The following SCAPER variants were observed in gnomAD, a reference collection of about 807,000 sequenced individuals.
SCAPER encodes the protein S phase cyclin A-associated protein in the endoplasmic reticulum.
A neutral mutation model predicts 182.2 loss-of-function variants in SCAPER; 98 were observed. The ratio of observed to expected loss-of-function variants is 0.54; its 90% CI spans 0.46 to 0.64. SCAPER has a LOEUF of 0.64. Among genes scored for constraint, SCAPER ranks in the 30% least tolerant of loss-of-function variants. The pLI, the probability that SCAPER is intolerant of heterozygous loss-of-function variation, is 0.00. For missense variants in SCAPER, 1,432 were observed against 1,690.0 expected (o/e 0.85, Z 2.68); for synonymous variants, 605 against 564.6 (o/e 1.07, Z -1.01).
chr15:76,514,768 A>G (rs2042291817), intron 23 of SCAPER, among the ~76,000 whole-genome samples: 1 of 152,244 alleles, frequency 6.6e-6, no homozygotes, highest in Non-Finnish European at 1.5e-5. Context: ...TCCTGAAGTG[A>G]AAATTTTTAT....
chr15:76,855,911 C>T (rs761206973), intron 4 of SCAPER: 5 of 414,748 alleles, frequency 1.2e-5, no homozygotes, highest in South Asian at 7.1e-5. Context: ...CCAGCAATCC[C>T]ATTACTGGGT....
intron 20 of SCAPER, among the ~76,000 whole-genome samples, chr15:76,701,018 A>G (rs959252832): frequency 1.3e-5 from 2 of 151,916 alleles, no homozygotes; most frequent in African/African-American, 2.4e-5. Flanking sequence ...GGGTGGTTTT[A>G]TATCAGTTTA....
chr15:76,710,315 A>G (rs1397451298), intron 17 of SCAPER, among the ~76,000 whole-genome samples: 1 of 152,152 alleles, frequency 6.6e-6, no homozygotes, highest in African/African-American at 2.4e-5. Context: ...CCAAACTAAT[A>G]CAGACAGTCC....
chr15:76,652,592 T>C (rs2089344003), intron 21 of SCAPER, among the ~76,000 whole-genome samples: 1 of 147,736 alleles, frequency 6.8e-6, no homozygotes, highest in African/African-American at 2.5e-5. Context: ...GTGCCTGTTA[T>C]CCCAGCTACT....
intron 17 of SCAPER, among the ~76,000 whole-genome samples, chr15:76,723,377 G>A (rs1416852209): frequency 1.3e-5 from 2 of 152,112 alleles, no homozygotes; most frequent in African/African-American, 2.4e-5. Context: ...AATAGGTGTG[G>A]TGTGGTGTGC....
intron 2 of SCAPER, among the ~76,000 whole-genome samples, chr15:76,875,246 C>T (rs1379885523): frequency 1.3e-5 from 2 of 152,160 alleles, no homozygotes; most frequent in Non-Finnish European, 2.9e-5. Context: ...CTGAAAAACT[C>T]TGATATCAGA....
At chr15:76,776,960 C>T (rs535704859) in intron 8 of SCAPER, among the ~76,000 whole-genome samples, 1 of 151,868 alleles carries the variant, frequency 6.6e-6, no homozygotes, top group African/African-American at 2.4e-5. Flanking sequence ...TTTAGTGAAA[C>T]AGAGAAAACT....
intron 23 of SCAPER, among the ~76,000 whole-genome samples, chr15:76,517,510 C>T (rs1040721166): frequency 4.6e-5 from 7 of 151,936 alleles, no homozygotes; most frequent in South Asian, 2.1e-4. Flanking sequence ...CCACTACACC[C>T]GGCTAATTTT....
chr15:76,505,604 G>T (rs546677034), intron 23 of SCAPER, among the ~76,000 whole-genome samples: 6 of 152,270 alleles, frequency 3.9e-5, no homozygotes, highest in Non-Finnish European at 7.4e-5. Flanking sequence ...ACAAATGCTG[G>T]TGAGGATGTG....
chr15:76,750,426 C>T (rs2062022570), intron 15 of SCAPER, among the ~76,000 whole-genome samples: 1 of 152,028 alleles, frequency 6.6e-6, no homozygotes, highest in African/African-American at 2.4e-5. Flanking sequence ...CATCCTAACT[C>T]ATTCTATCGG....
At chr15:76,530,143 TAGGAATGC>T (rs2043526681) in intron 23 of SCAPER, among the ~76,000 whole-genome samples, 1 of 152,208 alleles carries the variant, frequency 6.6e-6, no homozygotes, top group Non-Finnish European at 1.5e-5. Flanking sequence ...AAACAGTTTT[TAGGAATGC>T]AGGAATGTGC....
At chr15:76,422,541 A>G (rs1383003075) in intron 26 of SCAPER, among the ~76,000 whole-genome samples, 1 of 151,998 alleles carries the variant, frequency 6.6e-6, no homozygotes, top group Admixed American at 6.6e-5. Flanking sequence ...GGGTTTTCTA[A>G]ATATACAATC....
chr15:76,737,818 C>G (rs937335524), intron 15 of SCAPER, among the ~76,000 whole-genome samples: 12 of 152,200 alleles, frequency 7.9e-5, no homozygotes, highest in African/African-American at 2.9e-4. Flanking sequence ...AGACGGCTTC[C>G]TTCCTCAAAC....
intron 15 of SCAPER, among the ~76,000 whole-genome samples, chr15:76,744,574 A>G (rs1289592505): frequency 6.6e-6 from 1 of 152,240 alleles, no homozygotes; most frequent in African/African-American, 2.4e-5. Flanking sequence ...AATCAAAATC[A>G]CAATGAGATA....
At position 76,544,093 on chromosome 15, in the gene SCAPER, TTA is replaced by T. The variant is rs149491946; in HGVS notation, c.2838+30063_2838+30064del. ...GTATATGAAAAGATACTCAATATCA[TTA>T]GTCATTAGGGAAATGTAAATCAAAA... is the stretch of plus-strand genomic sequence containing the variant. On this transcript the variant is annotated intron_variant, in intron 23 of 31. Transcript: ENST00000563290. Among the ~76,000 whole-genome samples, 1,240 of 152,292 alleles carry T rather than the reference TTA, an allele frequency of 8.1e-3. 12 individuals carry two copies. Among genetic ancestry groups the T allele is most frequent in the African/African-American group, 0.028 (1,176 of 41,554 alleles).
chr15:76,450,936 G>A (rs528807456), intron 25 of SCAPER, among the ~76,000 whole-genome samples: 2 of 152,212 alleles, frequency 1.3e-5, no homozygotes, highest in South Asian at 4.2e-4. Context: ...TGACATATAC[G>A]CGTCTATGTA....
chr15:76,832,720 G>A (rs1204161328), intron 5 of SCAPER, among the ~76,000 whole-genome samples: 4 of 152,076 alleles, frequency 2.6e-5, no homozygotes, highest in Non-Finnish European at 5.9e-5. Flanking sequence ...GAGTTCTCAC[G>A]AGATCTGGTT....
chr15:76,603,578 T>C (rs1266961986), intron 22 of SCAPER, among the ~76,000 whole-genome samples: 1 of 122,080 alleles, frequency 8.2e-6, no homozygotes, highest in African/African-American at 2.5e-5. Context: ...AATGGTTTTC[T>C]AGTTCTAGAT....
At chr15:76,865,659 G>A (rs977371999) in intron 2 of SCAPER, among the ~76,000 whole-genome samples, 1 of 152,076 alleles carries the variant, frequency 6.6e-6, no homozygotes, top group Admixed American at 6.6e-5. Flanking sequence ...CTAAATCTGT[G>A]AGTGACAGGA....
Sources: allele counts gnomAD v4.1 joint callset (sites outside exome capture counted in the v4.1 genomes callset), GRCh38; gene constraint gnomAD v4.1.1; transcripts MANE v1.5; gene names NCBI Gene and HGNC (gene_info 2026-07-23, HGNC 2026-07-21).